Variants in TRAPPC12 observed in about 807,000 individuals in gnomAD.
TRAPPC12 encodes trafficking protein particle complex subunit 12, also known as TPR repeat protein 15.
Under a neutral mutation model 69.2 loss-of-function variants are expected in TRAPPC12, and 61 were observed. The ratio of observed to expected loss-of-function variants is 0.88; its 90% CI spans 0.72 to 1.09. TRAPPC12 has a LOEUF of 1.09. Among genes scored for constraint, TRAPPC12 ranks in the 50% least tolerant of loss-of-function variants. TRAPPC12 has a pLI of 0.00. For synonymous variants in TRAPPC12, 469 were observed against 438.9 expected, an observed-to-expected ratio of 1.07 and a Z score of -0.86; for missense variants, 1,101 against 1,016.4, an observed-to-expected ratio of 1.08 and a Z score of -1.13.
intron 5 of TRAPPC12, among the ~76,000 whole-genome samples, chr2:3,441,028 T>C (rs1664174505): frequency 6.6e-6 from 1 of 152,248 alleles, no homozygotes; most frequent in Non-Finnish European, 1.5e-5. Flanking sequence ...CATAATTCTT[T>C]TTATACATTG....
At chr2:3,457,901 G>T in intron 7 of TRAPPC12, 1 of 1,418,322 alleles carries the variant, frequency 7.1e-7, no homozygotes, top group Non-Finnish European at 9.2e-7. Context: ...CCTCAGACCC[G>T]AACCCTGCGC....
intron 8 of TRAPPC12, among the ~76,000 whole-genome samples, chr2:3,461,719 C>T (rs888545822): frequency 6.6e-6 from 1 of 151,958 alleles, no homozygotes; most frequent in African/African-American, 2.4e-5. Context: ...CTGGTCCTCA[C>T]CCTCCTCCCA....
intron 8 of TRAPPC12, among the ~76,000 whole-genome samples, chr2:3,462,367 T>TA (rs554659397): frequency 6.6e-6 from 1 of 152,160 alleles, no homozygotes; most frequent in Non-Finnish European, 1.5e-5. Flanking sequence ...TTTCATGAGT[T>TA]AAAAAAAGGA....
intron 5 of TRAPPC12, among the ~76,000 whole-genome samples, chr2:3,426,163 TTG>T (rs977663379): frequency 1.3e-5 from 2 of 152,340 alleles, no homozygotes; most frequent in African/African-American, 4.8e-5. Flanking sequence ...GGTATTAAAA[TTG>T]TTTCTTCCTT....
rs966559727 is a variant in TRAPPC12, at chr2:3,465,839, G to C, written c.1776+144G>C. Reference sequence around the variant, plus strand: ...TCAAATGTATGTGACCATGAAAAGGGTGGGTTCTTTCCAGGAGTTCTGGTT... The same window carrying C: ...TCAAATGTATGTGACCATGAAAAGGCTGGGTTCTTTCCAGGAGTTCTGGTT... On this transcript the variant is annotated intron_variant, in intron 9 of 11. Transcript: ENST00000324266. 5 of 667,538 alleles carry C rather than the reference G, an allele frequency of 7.5e-6. No homozygotes were observed. The African/African-American group carries it at 9.0e-5, about 12-fold the overall frequency. 41.4% of individuals were successfully genotyped at this position (667,538 alleles called of 1,614,324 possible).
chr2:3,437,607 C>CA (rs1459231851), intron 5 of TRAPPC12, among the ~76,000 whole-genome samples: 2 of 47,098 alleles, frequency 4.2e-5, no homozygotes, highest in African/African-American at 1.5e-4. Flanking sequence ...ATTAATACCC[C>CA]ATCACCCCAG....
intron 7 of TRAPPC12, chr2:3,458,001 G>C: frequency 8.2e-7 from 1 of 1,212,624 alleles, no homozygotes; most frequent in Non-Finnish European, 1.0e-6. Context: ...AAGGAGCCCA[G>C]CCCAGCCGAA....
At chr2:3,437,045 C>A (rs1366386337) in intron 5 of TRAPPC12, among the ~76,000 whole-genome samples, 1 of 25,280 alleles carries the variant, frequency 4.0e-5, no homozygotes, top group African/African-American at 2.1e-4. Flanking sequence ...TACCCCATCA[C>A]CCCTGAATTA....
chr2:3,416,237 T>G (rs1043345738), intron 3 of TRAPPC12, among the ~76,000 whole-genome samples: 7 of 152,168 alleles, frequency 4.6e-5, no homozygotes, highest in Non-Finnish European at 1.0e-4. Flanking sequence ...AATATCAGTA[T>G]GAACAGAGAG....
In TRAPPC12 at chr2:3,424,534, G is replaced by A. The variant is rs1171717331; in HGVS notation, c.1288G>A (p.Val430Ile). ...TGTATTTTGTTTTTAGCTCTGGTTT[G>A]TCAGGCTGGCACTACTAGTGAAGTT... ...HTTDSLQLWF[V>I]RLALLVKLGL... Residue 430 changes from valine (V) to isoleucine (I), a missense_variant, in exon 5 of 12, where the codon GTC becomes ATC. By Grantham distance (29) the Val-to-Ile change is conservative. Transcript: ENST00000324266. 1.2e-6 allele frequency: 2 copies of A among 1,612,754 alleles called. No homozygotes were observed. Among genetic ancestry groups the A allele is most frequent in the South Asian group, 2.2e-5 (2 of 90,930 alleles).
chr2:3,384,335 G>A (rs1660393929), intron 1 of TRAPPC12, among the ~76,000 whole-genome samples: 1 of 152,030 alleles, frequency 6.6e-6, no homozygotes, highest in South Asian at 2.1e-4. Flanking sequence ...TCCTGCCCGA[G>A]GACTCCAGTA....
At chr2:3,404,520 G>C (rs1221870945) in intron 3 of TRAPPC12, among the ~76,000 whole-genome samples, 2 of 152,242 alleles carry the variant, frequency 1.3e-5, no homozygotes, top group East Asian at 3.9e-4. Flanking sequence ...AGCAGCCTTA[G>C]TTACTTGGAT....
intron 6 of TRAPPC12, 97 bp downstream of exon 6, chr2:3,443,988 C>T (rs914644234): frequency 4.7e-6 from 4 of 859,966 alleles, no homozygotes; most frequent in Admixed American, 4.4e-5. Flanking sequence ...CCGTCCTGCC[C>T]CATGCACCAT....
At chr2:3,445,468 G>A (rs1465463322) in intron 6 of TRAPPC12, among the ~76,000 whole-genome samples, 1 of 152,242 alleles carries the variant, frequency 6.6e-6, no homozygotes, top group Non-Finnish European at 1.5e-5. Flanking sequence ...GGACGGTGGA[G>A]CAGAGAGCAG....
intron 3 of TRAPPC12, among the ~76,000 whole-genome samples, chr2:3,415,318 G>A (rs1662311321): frequency 1.3e-5 from 2 of 152,174 alleles, no homozygotes; most frequent in South Asian, 4.1e-4. Context: ...CCAACTGCAG[G>A]CTAATGTAAG....
chr2:3,453,063 GGACA>G (rs1664934593), intron 6 of TRAPPC12, among the ~76,000 whole-genome samples: 1 of 152,220 alleles, frequency 6.6e-6, no homozygotes, highest in Non-Finnish European at 1.5e-5. Flanking sequence ...TTCTGGCACC[GGACA>G]TCCCTGTTCT....
chr2:3,405,749 T>C (rs1661695091), intron 3 of TRAPPC12, among the ~76,000 whole-genome samples: 1 of 152,240 alleles, frequency 6.6e-6, no homozygotes, highest in Non-Finnish European at 1.5e-5. Flanking sequence ...AATTTACTTA[T>C]TGCTGACTTG....
intron 3 of TRAPPC12, among the ~76,000 whole-genome samples, chr2:3,412,723 A>C (rs182272716): frequency 6.6e-6 from 1 of 152,002 alleles, no homozygotes; most frequent in East Asian, 1.9e-4. Context: ...GTCATCTCCA[A>C]CTCCAGGGTG....
intron 10 of TRAPPC12, chr2:3,478,016 C>G (rs892400668): frequency 3.7e-5 from 15 of 408,386 alleles, no homozygotes; most frequent in African/African-American, 3.0e-4. Context: ...GCTATTCCCC[C>G]TTGTTCTTCA....
Sources: gnomAD v4.1 joint callset for allele counts (sites outside exome capture counted in the v4.1 genomes callset) on GRCh38, gnomAD v4.1.1 for gene constraint, MANE v1.5 for transcripts, NCBI Gene and HGNC (gene_info 2026-07-23, HGNC 2026-07-21) for gene names.